The following ST3GAL5 variants were observed in gnomAD, a reference collection of about 807,000 sequenced individuals.
ST3GAL5 encodes lactosylceramide alpha-2,3-sialyltransferase.
Under a neutral mutation model 46.1 loss-of-function variants are expected in ST3GAL5, and 25 were observed. The ratio of observed to expected loss-of-function variants is 0.54; its 90% CI spans 0.40 to 0.76. The LOEUF (loss-of-function observed/expected upper bound fraction) is 0.76. Ranked by LOEUF, ST3GAL5 falls within the 30% of genes least tolerant of loss-of-function variation. The pLI is 0.00. For missense variants in ST3GAL5, 431 were observed against 521.2 expected, an observed-to-expected ratio of 0.83 and a Z score of 1.69; for synonymous variants, 182 against 192.7, an observed-to-expected ratio of 0.94 and a Z score of 0.46.
chr2:85,851,197 G>T, intron 3 of ST3GAL5: 2 of 1,016,172 alleles, frequency 2.0e-6, no homozygotes, highest in South Asian at 3.5e-5. Context: ...TTATAGATGT[G>T]AGCCACCACG....
At chr2:85,851,277 C>A in intron 3 of ST3GAL5, 1 of 1,122,442 alleles carries the variant, frequency 8.9e-7, no homozygotes. Flanking sequence ...CTGACTGTGA[C>A]CCCTCCTGCG....
intron 1 of ST3GAL5, among the ~76,000 whole-genome samples, chr2:85,872,014 G>T (rs770723026): frequency 1.1e-4 from 16 of 152,144 alleles, no homozygotes; most frequent in Non-Finnish European, 2.4e-4. Flanking sequence ...CAGCACAGCA[G>T]GAGACAAGCC....
chr2:85,838,685 T>C lies in ST3GAL5; in HGVS notation c.*1459A>G, dbSNP rs1010408612. The C allele has an allele frequency of 6.6e-6, 1 of 152,390 alleles. No homozygotes were observed. The highest frequency in any genetic ancestry group is 1.5e-5 in the Non-Finnish European group (1 of 68,132). The allele number at this position is 152,390 out of a possible 1,614,324, so 9.4% of individuals were successfully genotyped here. A position where few individuals can be genotyped will look rare whatever the true frequency, so the allele number is the denominator to read the frequency against. ...TCTGCTTTGAATGCTATGACCTGAC[T>C]CCTGGCCCTGCATATGGTGAGGAGG... On this transcript the variant is annotated 3_prime_UTR_variant, in exon 7 of 7. Transcript: ENST00000638572.
At chr2:85,885,467 TC>T (rs1163412048) in intron 1 of ST3GAL5, among the ~76,000 whole-genome samples, 4 of 152,134 alleles carry the variant, frequency 2.6e-5, no homozygotes, top group Admixed American at 6.5e-5. Context: ...CCTGATTCCT[TC>T]CCCAGTCTCC....
chr2:85,872,290 C>T (rs1427395046), intron 1 of ST3GAL5, among the ~76,000 whole-genome samples: 1 of 152,074 alleles, frequency 6.6e-6, no homozygotes, highest in South Asian at 2.1e-4. Flanking sequence ...AATTGTTGTC[C>T]TTGAGGGGAG....
intron 3 of ST3GAL5, chr2:85,850,787 G>A (rs985050527): frequency 6.6e-6 from 1 of 152,240 alleles, no homozygotes; most frequent in Non-Finnish European, 1.5e-5. Flanking sequence ...GTGCGTGAGC[G>A]AGCTGGATGC....
Position 85,866,974 on chromosome 2 carries a change from AATT to A in ST3GAL5, c.83-3492_83-3490del, listed in dbSNP as rs1439095119. 3.3e-5 allele frequency among the ~76,000 whole-genome samples: 5 copies of A among 152,338 alleles called. No homozygotes were observed. In the East Asian group the frequency reaches 9.6e-4, roughly 29 times the overall value. On this transcript the variant is annotated intron_variant, in intron 1 of 6. Coordinates refer to ENST00000638572, the MANE Select transcript of ST3GAL5 (RefSeq NM_003896.4). ...AAAACTAAAACTGAATGTTAACAGA[AATT>A]ATAATGGCAAGAATAAAGCATAAAC...
At chr2:85,880,329 G>T (rs1156623738) in intron 1 of ST3GAL5, among the ~76,000 whole-genome samples, 1 of 152,110 alleles carries the variant, frequency 6.6e-6, no homozygotes, top group Non-Finnish European at 1.5e-5. Flanking sequence ...ATATATTCAG[G>T]TCTAACTAAA....
At chr2:85,882,674 C>CA (rs79230883) in intron 1 of ST3GAL5, among the ~76,000 whole-genome samples, 7 of 150,864 alleles carry the variant, frequency 4.6e-5, no homozygotes, top group Admixed American at 1.3e-4. Context: ...ACTAAAAATA[C>CA]AAAAAAAAAT....
intron 2 of ST3GAL5, among the ~76,000 whole-genome samples, chr2:85,862,550 A>T (rs3770093): frequency 0.11 from 17,108 of 152,128 alleles, 1,041 homozygotes; most frequent in East Asian, 0.24. Flanking sequence ...TGTCTGTAGC[A>T]CATATCAGAC....
intron 3 of ST3GAL5, chr2:85,850,293 G>A (rs1013675819): frequency 2.0e-5 from 3 of 152,260 alleles, no homozygotes; most frequent in African/African-American, 7.2e-5. Flanking sequence ...ACGATCATTA[G>A]TATCTTCACT....
Position 85,885,412 on chromosome 2 carries a change from C to T in ST3GAL5, c.82+3412G>A, listed in dbSNP as rs561196563. 3.9e-5 allele frequency among the ~76,000 whole-genome samples: 6 copies of T among 152,276 alleles called. No homozygotes were observed. In the East Asian group the frequency reaches 1.2e-3, roughly 29 times the overall value. On this transcript the variant is annotated intron_variant, in intron 1 of 6. Coordinates refer to ENST00000638572, the MANE Select transcript of ST3GAL5 (RefSeq NM_003896.4). ...CTATAGGTGACCACACTTGCTGGCA[C>T]CATACACAGCCAGGTAGAAACTGAT...
At chr2:85,879,701 C>T (rs560589770) in intron 1 of ST3GAL5, among the ~76,000 whole-genome samples, 51 of 152,254 alleles carry the variant, frequency 3.3e-4, no homozygotes, top group African/African-American at 1.2e-3. Context: ...AAAGGAAATA[C>T]AAGTAGTTGG....
At chr2:85,864,583 C>CAA (rs71392946) in intron 1 of ST3GAL5, among the ~76,000 whole-genome samples, 2,004 of 125,778 alleles carry the variant, frequency 0.016, 37 homozygotes, top group African/African-American at 0.045. Flanking sequence ...AGTGTTACAT[C>CAA]AAAAAAAAAA....
Position 85,842,095 on chromosome 2 carries a change from A to C in ST3GAL5, c.1009-1703T>G, listed in dbSNP as rs558930566. 2.6e-5 allele frequency among the ~76,000 whole-genome samples: 4 copies of C among 152,316 alleles called. No individual in the cohort carries two copies. In the South Asian group the frequency reaches 8.3e-4, roughly 32 times the overall value. On this transcript the variant is annotated intron_variant, in intron 6 of 6. Coordinates refer to ENST00000638572, the MANE Select transcript of ST3GAL5 (RefSeq NM_003896.4). ...TTCACAGATTCAGGTGGGATTAGGG[A>C]ACATCTACTGAAGCCATCATTTGTT...
At chr2:85,851,257 T>C (rs1333589599) in intron 3 of ST3GAL5, 11 of 1,098,586 alleles carry the variant, frequency 1.0e-5, no homozygotes, top group South Asian at 2.5e-5. Context: ...CATTTCTCAG[T>C]AGTCACCTTC....
At chr2:85,867,617 T>C (rs1384517535) in intron 1 of ST3GAL5, 3 of 781,036 alleles carry the variant, frequency 3.8e-6, no homozygotes, top group Admixed American at 1.7e-5. Flanking sequence ...ACAGAAGCCA[T>C]GTCCTGGGTG....
chr2:85,859,463 GA>G (rs530528226), intron 3 of ST3GAL5, among the ~76,000 whole-genome samples: 132 of 152,300 alleles, frequency 8.7e-4, no homozygotes, highest in African/African-American at 3.1e-3. Context: ...GACAGTCCAG[GA>G]AGAAAGGGAA....
chr2:85,846,490 C>T lies in ST3GAL5; in HGVS notation c.736G>A (p.Glu246Lys), dbSNP rs1682809399. ...NKTTIRMTYP[E>K]GAPLSDLEYY... ...TCAAGGTCAGACAGTGGTGCGCCCTCTGGATAAGTCATCCTTATAGTAGTT... is the reference window on the plus strand; with the variant it reads ...TCAAGGTCAGACAGTGGTGCGCCCTTTGGATAAGTCATCCTTATAGTAGTT... Residue 246 changes from glutamate to lysine, a missense_variant, in exon 5 of 7, where the codon GAG (glutamate) becomes AAG (lysine). Transcript: ENST00000638572. The T allele has an allele frequency of 6.2e-7, 1 of 1,614,100 alleles. No individual in the cohort carries two copies. Among genetic ancestry groups the T allele is most frequent in the Non-Finnish European group, 8.5e-7 (1 of 1,180,048 alleles).
Sources: gnomAD v4.1 joint callset for allele counts (sites outside exome capture counted in the v4.1 genomes callset) on GRCh38, gnomAD v4.1.1 for gene constraint, MANE v1.5 for transcripts, NCBI Gene and HGNC (gene_info 2026-07-23, HGNC 2026-07-21) for gene names.